Variants in PLCB4 observed in about 807,000 individuals in gnomAD.
PLCB4 encodes phospholipase C beta 4.
PLCB4 carries 77 observed loss-of-function variants against 178.8 expected under a neutral mutation model. That is an observed-to-expected ratio of 0.43 (90% CI 0.36 to 0.52). PLCB4 has a LOEUF of 0.52. Ranked by LOEUF, PLCB4 falls within the 20% of genes least tolerant of loss-of-function variation. PLCB4 has a pLI of 0.00. For missense variants in PLCB4, 1,024 were observed against 1,453.4 expected (o/e 0.70, Z 4.80); for synonymous variants, 496 against 490.8 (o/e 1.01, Z -0.14).
intron 3 of PLCB4, among the ~76,000 whole-genome samples, chr20:9,269,643 A>G (rs1047699743): frequency 1.3e-5 from 2 of 152,194 alleles, no homozygotes; most frequent in East Asian, 1.9e-4. Flanking sequence ...GGAACATTTT[A>G]TAAATAAACT....
intron 2 of PLCB4, among the ~76,000 whole-genome samples, chr20:9,108,862 G>C (rs1311566842): frequency 6.7e-6 from 1 of 150,156 alleles, no homozygotes; most frequent in Non-Finnish European, 1.5e-5. Flanking sequence ...GCAGGAGAGA[G>C]ATACAGAGTG....
At chr20:9,382,895 T>C (rs1344486771) in intron 13 of PLCB4, among the ~76,000 whole-genome samples, 1 of 152,218 alleles carries the variant, frequency 6.6e-6, no homozygotes, top group Non-Finnish European at 1.5e-5. Flanking sequence ...TTAGAATGAA[T>C]GAAGGTGCCC....
At chr20:9,100,423 G>A (rs1282005660) in intron 2 of PLCB4, among the ~76,000 whole-genome samples, 2 of 152,062 alleles carry the variant, frequency 1.3e-5, no homozygotes, top group African/African-American at 4.8e-5. Flanking sequence ...GCCCAGGCTG[G>A]AGTGCAGTGG....
chr20:9,165,792 T>TG (rs2092960226), intron 2 of PLCB4, among the ~76,000 whole-genome samples: 7 of 138,382 alleles, frequency 5.1e-5, no homozygotes, highest in African/African-American at 1.7e-4. Context: ...CCTGGGGCTG[T>TG]TTGTGTGTGT....
rs73093810 is a variant in PLCB4, at chr20:9,192,442, T to C, written c.-78-24948T>C. Among the ~76,000 whole-genome samples, 629 of 152,230 alleles carry C rather than the reference T, an allele frequency of 4.1e-3. 4 individuals are homozygous for C. The highest frequency in any genetic ancestry group is 0.024 in the South Asian group (117 of 4,820). ...GTTCATGAATGTGTGACCTGTGGAA[T>C]TGCACAGGGTTCTAGACTCAGAAAG... On this transcript the variant is annotated intron_variant, in intron 2 of 39. Coordinates refer to ENST00000378473, the MANE Select transcript of PLCB4 (RefSeq NM_001377142.1).
intron 30 of PLCB4, among the ~76,000 whole-genome samples, chr20:9,440,809 A>T (rs2042059756): frequency 6.6e-6 from 1 of 152,162 alleles, no homozygotes; most frequent in Non-Finnish European, 1.5e-5. Flanking sequence ...GAGGAGAGAG[A>T]CTTTTCTAGG....
At chr20:9,253,813 CAT>C (rs908819024) in intron 3 of PLCB4, among the ~76,000 whole-genome samples, 7 of 152,176 alleles carry the variant, frequency 4.6e-5, no homozygotes, top group African/African-American at 1.7e-4. Context: ...TACCTCAAAA[CAT>C]AGGCTTGCAA....
chr20:9,194,963 T>A (rs933066823), intron 2 of PLCB4, among the ~76,000 whole-genome samples: 4 of 152,202 alleles, frequency 2.6e-5, no homozygotes, highest in Admixed American at 6.5e-5. Flanking sequence ...TGGATCAGAC[T>A]GTAAGCTTTT....
chr20:9,477,693 C>T (rs1231115012), intron 39 of PLCB4, among the ~76,000 whole-genome samples: 1 of 152,128 alleles, frequency 6.6e-6, no homozygotes, highest in Admixed American at 6.5e-5. Flanking sequence ...AACCAACCAT[C>T]CCAAATTTAC....
chr20:9,286,475 G>A (rs1601616915), intron 3 of PLCB4, among the ~76,000 whole-genome samples: 1 of 151,956 alleles, frequency 6.6e-6, no homozygotes, highest in East Asian at 1.9e-4. Flanking sequence ...ATTTCTTCAG[G>A]CCTAAAGCCT....
intron 2 of PLCB4, among the ~76,000 whole-genome samples, chr20:9,107,657 C>T (rs114372104): frequency 0.026 from 4,005 of 151,890 alleles, 171 homozygotes; most frequent in African/African-American, 0.09. Flanking sequence ...AGGAGGGTGG[C>T]GTAGGGAGGA....
At chr20:9,222,348 CT>C (rs2093810372) in intron 3 of PLCB4, among the ~76,000 whole-genome samples, 1 of 152,044 alleles carries the variant, frequency 6.6e-6, no homozygotes, top group Admixed American at 6.6e-5. Context: ...CCAACTTAGC[CT>C]TTCAAAGCGC....
chr20:9,123,414 TCTC>T lies in PLCB4; in HGVS notation c.-79+27076_-79+27078del, dbSNP rs1276556529. ...CACTCTTTTAAGAAACTCCTGGAAATCTCCTCTTTTTTTTTTTTTATATATATT... is the reference window on the plus strand; with the variant it reads ...CACTCTTTTAAGAAACTCCTGGAAATCTCTTTTTTTTTTTTTATATATATT... On this transcript the variant is annotated intron_variant, in intron 2 of 39. Coordinates refer to ENST00000378473, the MANE Select transcript of PLCB4 (RefSeq NM_001377142.1). Among the ~76,000 whole-genome samples the T allele has an allele frequency of 2.3e-4, 18 of 79,538 alleles. No homozygotes were observed. In the East Asian group the frequency reaches 6.0e-3, roughly 26 times the overall value. The allele number at this position is 79,538 out of a possible 152,430, so 52.2% of individuals were successfully genotyped here.
chr20:9,113,748 G>A (rs974624501), intron 2 of PLCB4, among the ~76,000 whole-genome samples: 1 of 152,134 alleles, frequency 6.6e-6, no homozygotes. Context: ...ACAATTTTCA[G>A]TGTCCCCAAG....
intron 2 of PLCB4, among the ~76,000 whole-genome samples, chr20:9,173,727 A>G (rs1351262369): frequency 1.3e-5 from 2 of 152,114 alleles, no homozygotes; most frequent in African/African-American, 4.8e-5. Flanking sequence ...TTGTGATTAC[A>G]TTGAGCCCAC....
chr20:9,296,766 C>G (rs545022850), intron 3 of PLCB4, among the ~76,000 whole-genome samples: 2 of 152,122 alleles, frequency 1.3e-5, no homozygotes, highest in Admixed American at 6.5e-5. Flanking sequence ...GGACAAAAAA[C>G]CAAACACCGC....
intron 3 of PLCB4, among the ~76,000 whole-genome samples, chr20:9,220,865 A>G (rs1037777436): frequency 6.6e-6 from 1 of 152,158 alleles, no homozygotes; most frequent in African/African-American, 2.4e-5. Flanking sequence ...CTCTATAGGA[A>G]TGAGGATCCT....
chr20:9,400,499 G>A (rs568662742), intron 19 of PLCB4, among the ~76,000 whole-genome samples: 2 of 151,746 alleles, frequency 1.3e-5, no homozygotes, highest in Non-Finnish European at 2.9e-5. Context: ...CATTCTTATG[G>A]GTCTACTCAT....
In PLCB4 at chr20:9,334,972, G is replaced by A. The variant is rs368867059; in HGVS notation, c.85-2154G>A. 2.3e-4 allele frequency among the ~76,000 whole-genome samples: 35 copies of A among 152,180 alleles called. No individual in the cohort carries two copies. The East Asian group carries it at 6.2e-3, about 27-fold the overall frequency. On this transcript the variant is annotated intron_variant, in intron 4 of 39. Coordinates refer to ENST00000378473, the MANE Select transcript of PLCB4 (RefSeq NM_001377142.1). ...GAAAGTTCACTCTCAAAATAAGTTG[G>A]AAACCCATTCTTATTTATTATTTGT...
Sources: gnomAD v4.1 joint callset for allele counts (sites outside exome capture counted in the v4.1 genomes callset) on GRCh38, gnomAD v4.1.1 for gene constraint, MANE v1.5 for transcripts, NCBI Gene and HGNC (gene_info 2026-07-23, HGNC 2026-07-21) for gene names.